Variants in SMIM17 observed in about 807,000 individuals in gnomAD.
SMIM17 encodes the protein small integral membrane protein 17.
Under a neutral mutation model 12.2 loss-of-function variants are expected in SMIM17, and 10 were observed. That is an observed-to-expected ratio of 0.82 (90% confidence interval 0.50 to 1.39). SMIM17 has a LOEUF of 1.39. Among genes scored for constraint, SMIM17 ranks in the 40% most tolerant of loss-of-function variants. The pLI, the probability that SMIM17 is intolerant of heterozygous loss-of-function variation, is 0.00. For synonymous variants in SMIM17, 50 were observed against 44.1 expected (o/e 1.13, Z -0.53); for missense variants, 136 against 118.2 (o/e 1.15, Z -0.70).
chr19:56,653,295 T>G (rs2045123653), intron 3 of SMIM17, among the ~76,000 whole-genome samples: 1 of 152,252 alleles, frequency 6.6e-6, no homozygotes, highest in African/African-American at 2.4e-5. Context: ...TACATATATA[T>G]TTTTTAATTC....
chr19:56,651,245 T>A (rs2045107033), intron 3 of SMIM17, among the ~76,000 whole-genome samples: 1 of 152,128 alleles, frequency 6.6e-6, no homozygotes, highest in African/African-American at 2.4e-5. Context: ...ACAGAGAGGT[T>A]ATGTGACTTT....
chr19:56,656,338 C>A lies in SMIM17; in HGVS notation c.*1125C>A, dbSNP rs1033367812. Reference sequence around the variant, plus strand: ...CATAATGTTTTATAATTAAAAATTTCTCTTTATTTTGTTCTATCCCCTGTT... The same window carrying A: ...CATAATGTTTTATAATTAAAAATTTATCTTTATTTTGTTCTATCCCCTGTT... On this transcript the variant is annotated 3_prime_UTR_variant, in exon 4 of 4. Coordinates refer to ENST00000598409, the MANE Select transcript of SMIM17 (RefSeq NM_001193628.2). Among the ~76,000 whole-genome samples the A allele has an allele frequency of 1.3e-5, 2 of 152,042 alleles. No individual in the cohort carries two copies. The highest frequency in any genetic ancestry group is 1.3e-4 in the Admixed American group (2 of 15,264).
Position 56,655,304 on chromosome 19 carries a change from A to G in SMIM17, c.*91A>G, listed in dbSNP as rs764164971. ...GAATTGTGCTAGTTAAAAATCAGGAATAGGTGTTGAATATTTTCAAATGCC... is the reference window on the plus strand; with the variant it reads ...GAATTGTGCTAGTTAAAAATCAGGAGTAGGTGTTGAATATTTTCAAATGCC... On this transcript the variant is annotated 3_prime_UTR_variant, in exon 4 of 4. Transcript: ENST00000598409. 1 of 581,586 alleles carries G rather than the reference A, an allele frequency of 1.7e-6. No homozygotes were observed. Among genetic ancestry groups the G allele is most frequent in the Non-Finnish European group, 3.1e-6 (1 of 319,194 alleles). The allele number at this position is 581,586 out of a possible 1,614,324, so 36.0% of individuals were successfully genotyped here.
chr19:56,647,676 C>T (rs2045075292), intron 3 of SMIM17, 42 bp downstream of exon 3: 5 of 1,474,032 alleles, frequency 3.4e-6, no homozygotes, highest in African/African-American at 1.4e-5. Flanking sequence ...ATGTCCCACT[C>T]TGTAGATCTC....
In SMIM17 at chr19:56,647,420, T is replaced by TGAGA. The variant is rs72370552; in HGVS notation, c.170-110_170-107dup. The TGAGA allele has an allele frequency of 9.8e-3, 5,387 of 547,192 alleles. 13 individuals are homozygous for TGAGA. The highest frequency in any genetic ancestry group is 0.023 in the South Asian group (1,056 of 46,482). The allele number at this position is 547,192 out of a possible 1,614,324, so 33.9% of individuals were successfully genotyped here. A position where few individuals can be genotyped will look rare whatever the true frequency, so the allele number is the denominator to read the frequency against. ...GAGAGAGAGAGAGAGAGAAGGAGGGTGAGAGAGAGAGAGAGAGAGAGAGAG... is the reference window on the plus strand; with the variant it reads ...GAGAGAGAGAGAGAGAGAAGGAGGGTGAGAGAGAGAGAGAGAGAGAGAGAGAGAG... On this transcript the variant is annotated intron_variant, in intron 2 of 3. Coordinates refer to ENST00000598409, the MANE Select transcript of SMIM17 (RefSeq NM_001193628.2).
At position 56,645,598 on chromosome 19, in the gene SMIM17, A is replaced by G. The variant is rs991711372; in HGVS notation, c.-70A>G. 5.8e-5 allele frequency: 80 copies of G among 1,369,636 alleles called. No individual in the cohort carries two copies. In the African/African-American group the frequency reaches 9.9e-4, roughly 17 times the overall value. 84.8% of individuals were successfully genotyped at this position (1,369,636 alleles called of 1,614,324 possible). A position where few individuals can be genotyped will look rare whatever the true frequency, so the allele number is the denominator to read the frequency against. On this transcript the variant is annotated 5_prime_UTR_variant, in exon 2 of 4. Coordinates refer to ENST00000598409, the MANE Select transcript of SMIM17 (RefSeq NM_001193628.2). ...AGGTTCTGAATCTTGTGCCTGGAGA[A>G]CCAGAGAGGACCCTGGAGCAGGAGG...
Position 56,645,708 on chromosome 19 carries a change from A to G in SMIM17, c.41A>G (p.Glu14Gly). 2 of 1,535,466 alleles carry G rather than the reference A, an allele frequency of 1.3e-6. No homozygotes were observed. Among genetic ancestry groups the G allele is most frequent in the South Asian group, 1.2e-5 (1 of 83,928 alleles). Residue 14 changes from glutamate (E) to glycine (G), a missense_variant, in exon 2 of 4, where the codon GAG (glutamate) becomes GGG (glycine). Coordinates refer to ENST00000598409, the MANE Select transcript of SMIM17 (RefSeq NM_001193628.2). ...LRPEQTRGLL[E>G]PERTKTLLPR... ...CCTGAGCAGACACGGGGGCTGCTGG[A>G]GCCTGAGAGGACCAAGACTCTGCTG... is the stretch of plus-strand genomic sequence containing the variant.
In SMIM17 at chr19:56,645,584, C is replaced by A. The variant is rs2045056360; in HGVS notation, c.-84C>A. On this transcript the variant is annotated 5_prime_UTR_variant, in exon 2 of 4. Coordinates refer to ENST00000598409, the MANE Select transcript of SMIM17 (RefSeq NM_001193628.2). Reference sequence around the variant, plus strand: ...GTCCATCAGTCCTCAGGTTCTGAATCTTGTGCCTGGAGAACCAGAGAGGAC... The same window carrying A: ...GTCCATCAGTCCTCAGGTTCTGAATATTGTGCCTGGAGAACCAGAGAGGAC... The A allele has an allele frequency of 1.5e-6, 2 of 1,311,682 alleles. No homozygotes were observed. Among genetic ancestry groups the A allele is most frequent in the Non-Finnish European group, 2.0e-6 (2 of 995,878 alleles). 81.3% of individuals were successfully genotyped at this position (1,311,682 alleles called of 1,614,324 possible).
intron 2 of SMIM17, 149 bp downstream of exon 2, chr19:56,645,985 G>T: frequency 2.2e-6 from 2 of 908,496 alleles, no homozygotes; most frequent in South Asian, 2.0e-5. Flanking sequence ...TGTGTAACAA[G>T]TCATCCCCAA....
rs2148046912 is a variant in SMIM17, at chr19:56,656,420, A to G, written c.*1207A>G. 6.6e-6 allele frequency among the ~76,000 whole-genome samples: 1 copy of G among 152,296 alleles called. No individual in the cohort carries two copies. The highest frequency in any genetic ancestry group is 1.5e-5 in the Non-Finnish European group (1 of 68,026). ...TATTAGATTTGTCAAAGGTTTATCTAGCTTACTATTGTTTTTCCAAAGAAC... is the reference window on the plus strand; with the variant it reads ...TATTAGATTTGTCAAAGGTTTATCTGGCTTACTATTGTTTTTCCAAAGAAC... On this transcript the variant is annotated 3_prime_UTR_variant, in exon 4 of 4. Transcript: ENST00000598409.
intron 2 of SMIM17, 107 bp from the exon 3 acceptor site, chr19:56,647,451 G>GAGAGAGAGAGAGAGAGAGAGAGAGAGAGA (rs2045073322): frequency 1.5e-6 from 1 of 666,954 alleles, no homozygotes; most frequent in African/African-American, 1.9e-5. Flanking sequence ...GAGAGAGAGA[G>GAGAGAGAGAGAGAGAGAGAGAGAGAGAGA]GAGGCTATTA....
chr19:56,653,026 T>C (rs760042562), intron 3 of SMIM17, among the ~76,000 whole-genome samples: 5 of 152,240 alleles, frequency 3.3e-5, no homozygotes, highest in Non-Finnish European at 7.3e-5. Flanking sequence ...CTTAACTTTA[T>C]ATTCTGCTTT....
intron 2 of SMIM17, among the ~76,000 whole-genome samples, chr19:56,646,323 A>C (rs2045062723): frequency 6.6e-6 from 1 of 152,194 alleles, no homozygotes; most frequent in South Asian, 2.1e-4. Context: ...GAGGAAAAAC[A>C]CATGATCTCA....
At chr19:56,651,247 T>C (rs979101421) in intron 3 of SMIM17, among the ~76,000 whole-genome samples, 1 of 152,166 alleles carries the variant, frequency 6.6e-6, no homozygotes, top group Non-Finnish European at 1.5e-5. Context: ...AGAGAGGTTA[T>C]GTGACTTTCC....
At position 56,656,837 on chromosome 19, in the gene SMIM17, C is replaced by T. The variant is rs538720964; in HGVS notation, c.*1624C>T. Among the ~76,000 whole-genome samples, 8 of 152,328 alleles carry T rather than the reference C, an allele frequency of 5.3e-5. No homozygotes were observed. Among genetic ancestry groups the T allele is most frequent in the Non-Finnish European group, 1.0e-4 (7 of 68,038 alleles). ...CAGAATGTGGCCTATAACACATCTG[C>T]TTCCAAAACTTTTTAAAAAGCTTTT... is the stretch of plus-strand genomic sequence containing the variant. On this transcript the variant is annotated 3_prime_UTR_variant, in exon 4 of 4. Transcript: ENST00000598409.
In SMIM17 at chr19:56,643,207, G is replaced by A. The variant is rs146331409; in HGVS notation, c.-104G>A. 0.025 allele frequency: 3,855 copies of A among 152,808 alleles called. 128 individuals carry two copies. Among genetic ancestry groups the A allele is most frequent in the East Asian group, 0.14 (730 of 5,230 alleles). 9.5% of individuals were successfully genotyped at this position (152,808 alleles called of 1,614,324 possible). ...AGAGCCCAGACAGGGTCCGGTTGGG[G>A]AGGGTGAGTCCTTCGAGGGACCCCC... On this transcript the variant is annotated 5_prime_UTR_variant, in exon 1 of 4. Coordinates refer to ENST00000598409, the MANE Select transcript of SMIM17 (RefSeq NM_001193628.2).
intron 3 of SMIM17, among the ~76,000 whole-genome samples, chr19:56,649,633 T>C (rs10410741): frequency 0.55 from 84,139 of 151,782 alleles, 24,022 homozygotes; most frequent in East Asian, 0.78. Flanking sequence ...CTGGCAGATG[T>C]CTAGGGAGAG....
At chr19:56,649,545 T>C (rs2148041618) in intron 3 of SMIM17, among the ~76,000 whole-genome samples, 1 of 152,178 alleles carries the variant, frequency 6.6e-6, no homozygotes, top group African/African-American at 2.4e-5. Context: ...GGGGTTGCTA[T>C]TTTAAGAAGC....
chr19:56,654,678 C>T (rs996244013), intron 3 of SMIM17, among the ~76,000 whole-genome samples: 1 of 148,130 alleles, frequency 6.8e-6, no homozygotes, highest in Non-Finnish European at 1.5e-5. Flanking sequence ...TTGTGGGGGA[C>T]ATTACAATAT....
Sources: gnomAD v4.1 joint callset for allele counts (sites outside exome capture counted in the v4.1 genomes callset) on GRCh38, gnomAD v4.1.1 for gene constraint, MANE v1.5 for transcripts, NCBI Gene and HGNC (gene_info 2026-07-23, HGNC 2026-07-21) for gene names.